Variants in BARX2 observed in about 807,000 individuals in gnomAD.
BARX2 encodes the protein homeobox protein BarH-like 2.
In BARX2, 11 loss-of-function variants were observed where a neutral mutation model predicts 25.5. The observed-to-expected ratio is 0.43, with a 90% confidence interval of 0.27 to 0.71. BARX2 has a LOEUF of 0.71. BARX2 is among the 30% of genes least tolerant of loss of function. The probability of loss-of-function intolerance (pLI) is 0.19; values close to 1 mark genes in which losing one functional copy is unlikely to be tolerated. For missense variants in BARX2, 360 were observed against 359.9 expected (o/e 1.00, Z 0.00); for synonymous variants, 137 against 149.5 (o/e 0.92, Z 0.61).
intron 1 of BARX2, among the ~76,000 whole-genome samples, chr11:129,391,101 C>T (rs1321258898): frequency 6.6e-6 from 1 of 152,048 alleles, no homozygotes; most frequent in South Asian, 2.1e-4. Context: ...TGCTGCTTTT[C>T]GGGAGGGACT....
Position 129,447,045 on chromosome 11 carries a change from C to T in BARX2, c.574-4091C>T, listed in dbSNP as rs552934115. Among the ~76,000 whole-genome samples the T allele has an allele frequency of 3.3e-5, 5 of 152,272 alleles. No individual in the cohort carries two copies. In the South Asian group the frequency reaches 1.0e-3, roughly 32 times the overall value. On this transcript the variant is annotated intron_variant, in intron 3 of 3. Transcript: ENST00000281437. ...TGGCCCATTTTACATATCCCTCGCG[C>T]ATTATGCTGAATGCAATACTGCTAA...
chr11:129,424,610 TG>T (rs1396707225), intron 1 of BARX2, among the ~76,000 whole-genome samples: 1 of 152,212 alleles, frequency 6.6e-6, no homozygotes, highest in African/African-American at 2.4e-5. Flanking sequence ...ACTCAGCCTT[TG>T]CCACATGTTT....
At chr11:129,424,786 G>T (rs1862045083) in intron 1 of BARX2, among the ~76,000 whole-genome samples, 1 of 152,174 alleles carries the variant, frequency 6.6e-6, no homozygotes, top group Admixed American at 6.5e-5. Flanking sequence ...AGGAAATTTT[G>T]TGTGTGGACT....
At chr11:129,434,673 C>T (rs1862169380) in intron 1 of BARX2, among the ~76,000 whole-genome samples, 1 of 152,170 alleles carries the variant, frequency 6.6e-6, no homozygotes, top group Admixed American at 6.5e-5. Flanking sequence ...TGATTATAAG[C>T]AAGGCTGCAG....
chr11:129,392,274 T>TG (rs1861673706), intron 1 of BARX2, among the ~76,000 whole-genome samples: 1 of 152,194 alleles, frequency 6.6e-6, no homozygotes, highest in South Asian at 2.1e-4. Flanking sequence ...AGATGCGAAA[T>TG]TAACCTGATT....
rs73569156 is a variant in BARX2, at chr11:129,408,678, C to G, written c.188-28073C>G. ...GTCTCCTCTTTGGAGACTATCTCGG[C>G]CTCCCCACCCTCAGCCTCCCCCATA... On this transcript the variant is annotated intron_variant, in intron 1 of 3. Transcript: ENST00000281437. 6.8e-3 allele frequency among the ~76,000 whole-genome samples: 1,030 copies of G among 152,292 alleles called. 13 individuals carry two copies. The highest frequency in any genetic ancestry group is 0.024 in the African/African-American group (992 of 41,580).
At chr11:129,389,290 GA>G (rs1200768181) in intron 1 of BARX2, among the ~76,000 whole-genome samples, 1 of 152,156 alleles carries the variant, frequency 6.6e-6, no homozygotes, top group Non-Finnish European at 1.5e-5. Flanking sequence ...CATTATTGGT[GA>G]ATTAAACTTA....
chr11:129,410,328 T>C (rs1861872734), intron 1 of BARX2, among the ~76,000 whole-genome samples: 2 of 152,246 alleles, frequency 1.3e-5, no homozygotes, highest in South Asian at 4.1e-4. Context: ...TGAAATCACA[T>C]ACTATTTCCT....
chr11:129,420,725 A>T (rs1712160184), intron 1 of BARX2, among the ~76,000 whole-genome samples: 1 of 152,206 alleles, frequency 6.6e-6, no homozygotes, highest in African/African-American at 2.4e-5. Context: ...AGAAGTTGAT[A>T]TGCATGCATT....
rs146325759 is a variant in BARX2, at chr11:129,445,750, T to C, written c.573+2831T>C. Among the ~76,000 whole-genome samples, 100 of 152,296 alleles carry C rather than the reference T, an allele frequency of 6.6e-4. No individual in the cohort carries two copies. The East Asian group carries it at 0.018, about 27-fold the overall frequency. On this transcript the variant is annotated intron_variant, in intron 3 of 3. Transcript: ENST00000281437. The stretch of plus-strand genomic sequence containing the variant: ...AAGTGCAGAAGACACATCTGCAAAC[T>C]GGTATTATTATTTCACGGAGCGGTC...
At chr11:129,396,115 G>A (rs531603774) in intron 1 of BARX2, among the ~76,000 whole-genome samples, 130 of 152,224 alleles carry the variant, frequency 8.5e-4, no homozygotes, top group Admixed American at 2.5e-3. Context: ...GACATCGACT[G>A]TCTCTCCCAT....
intron 1 of BARX2, among the ~76,000 whole-genome samples, chr11:129,406,534 G>A (rs987985493): frequency 2.0e-5 from 3 of 152,224 alleles, no homozygotes; most frequent in Admixed American, 2.0e-4. Flanking sequence ...GCAAGCAACA[G>A]TTGTATTGCA....
At chr11:129,396,632 G>A (rs2135390751) in intron 1 of BARX2, among the ~76,000 whole-genome samples, 1 of 152,260 alleles carries the variant, frequency 6.6e-6, no homozygotes, top group East Asian at 1.9e-4. Flanking sequence ...CCCATGTGGT[G>A]GGTGGGGGGA....
At chr11:129,413,879 C>T (rs1861915232) in intron 1 of BARX2, among the ~76,000 whole-genome samples, 1 of 151,906 alleles carries the variant, frequency 6.6e-6, no homozygotes, top group Non-Finnish European at 1.5e-5. Context: ...CTGGCTAACA[C>T]GGTGAAAACC....
At chr11:129,385,504 AT>A (rs1277401319) in intron 1 of BARX2, among the ~76,000 whole-genome samples, 1 of 152,220 alleles carries the variant, frequency 6.6e-6, no homozygotes, top group Admixed American at 6.5e-5. Flanking sequence ...ATATGGATAC[AT>A]TTTAGGAATA....
Position 129,376,549 on chromosome 11 carries a change from T to C in BARX2, c.187+327T>C, listed in dbSNP as rs149676728. 1.2e-3 allele frequency among the ~76,000 whole-genome samples: 176 copies of C among 152,322 alleles called. No homozygotes were observed. The highest frequency in any genetic ancestry group is 9.4e-4 in the Non-Finnish European group (64 of 68,034). On this transcript the variant is annotated intron_variant, in intron 1 of 3. Coordinates refer to ENST00000281437, the MANE Select transcript of BARX2 (RefSeq NM_003658.5). This position sits in a 1 kb window ranked among gnomAD's most constrained non-coding sequence, Gnocchi z 4.2. The stretch of plus-strand genomic sequence containing the variant: ...TTGAGCAGGTTCAGCGTCTAAATCG[T>C]TGTTTCAGGAAGTGGTGGTGTGTGT...
In BARX2 at chr11:129,436,327, T is replaced by C; in HGVS notation, c.188-424T>C. The C allele has an allele frequency of 5.8e-6, 1 of 171,672 alleles. No homozygotes were observed. The highest frequency in any genetic ancestry group is 1.6e-4 in the East Asian group (1 of 6,188). The allele number at this position is 171,672 out of a possible 1,614,324, so 10.6% of individuals were successfully genotyped here. A position where few individuals can be genotyped will look rare whatever the true frequency, so the allele number is the denominator to read the frequency against. ...CAGGAAGAATTCATAGCTACAAGCA[T>C]GTCTTTTTATAAAGACCACAGGTGG... On this transcript the variant is annotated intron_variant, in intron 1 of 3. Coordinates refer to ENST00000281437, the MANE Select transcript of BARX2 (RefSeq NM_003658.5). The surrounding 1 kb of genome is among the most constrained non-coding windows in gnomAD (Gnocchi z 4.5).
At position 129,418,855 on chromosome 11, in the gene BARX2, C is replaced by T. The variant is rs7951219; in HGVS notation, c.188-17896C>T. 9.6e-3 allele frequency among the ~76,000 whole-genome samples: 1,459 copies of T among 152,324 alleles called. 23 individuals are homozygous for T. The highest frequency in any genetic ancestry group is 0.032 in the African/African-American group (1,316 of 41,566). ...GACAGAATGTCAGAAAGGAAAGTCT[C>T]TGGTAAGTTGTACAGAAAGTCCTCA... On this transcript the variant is annotated intron_variant, in intron 1 of 3. Transcript: ENST00000281437.
At chr11:129,410,931 A>G (rs1861880001) in intron 1 of BARX2, among the ~76,000 whole-genome samples, 1 of 152,226 alleles carries the variant, frequency 6.6e-6, no homozygotes, top group Admixed American at 6.5e-5. Context: ...TACACGGTGC[A>G]GCCACAGTAT....
Sources: allele counts gnomAD v4.1 joint callset (sites outside exome capture counted in the v4.1 genomes callset), GRCh38; gene constraint gnomAD v4.1.1; non-coding constraint Gnocchi (gnomAD v3.1); transcripts MANE v1.5; gene names NCBI Gene and HGNC (gene_info 2026-07-23, HGNC 2026-07-21).